ALDH18A1: variants seen among roughly 807,000 people sequenced by gnomAD.
ALDH18A1 encodes the protein aldehyde dehydrogenase 18 family member A1, also known as delta-1-pyrroline-5-carboxylate synthase.
Under a neutral mutation model 88.8 loss-of-function variants are expected in ALDH18A1, and 44 were observed. The observed-to-expected ratio is 0.50, with a 90% CI of 0.39 to 0.64. The LOEUF (loss-of-function observed/expected upper bound fraction) is 0.64. Among genes scored for constraint, ALDH18A1 ranks in the 30% least tolerant of loss-of-function variants. The pLI, the probability that ALDH18A1 is intolerant of heterozygous loss-of-function variation, is 0.00. For missense variants in ALDH18A1, 782 were observed against 1,009.5 expected, an observed-to-expected ratio of 0.77 and a Z score of 3.05; for synonymous variants, 331 against 372.1, an observed-to-expected ratio of 0.89 and a Z score of 1.27.
chr10:95,627,896 G>A (rs541952966), intron 8 of ALDH18A1, among the ~76,000 whole-genome samples: 2 of 152,312 alleles, frequency 1.3e-5, no homozygotes, highest in East Asian at 3.9e-4. Flanking sequence ...AAACAATTAA[G>A]TAGACCAACA....
intron 6 of ALDH18A1, 33 bp from the exon 7 acceptor site, chr10:95,633,082 GAGCTAAGCAGTCCAAA>G (rs1405804109): frequency 6.4e-7 from 1 of 1,557,518 alleles, no homozygotes; most frequent in Non-Finnish European, 8.9e-7. Context: ...ATAAGTGAGT[GAGCTAAGCAGTCCAAA>G]AAGAAATTCA....
In ALDH18A1 at chr10:95,606,866, A is replaced by T. The variant is rs1249058396; in HGVS notation, c.2284T>A (p.Trp762Arg). Residue 762 changes from tryptophan (W) to arginine (R), a missense_variant, in exon 18 of 18, where the codon TGG becomes AGG. By Grantham distance (101) the Trp-to-Arg change is moderately radical (BLOSUM62 -3). Coordinates refer to ENST00000371224, the MANE Select transcript of ALDH18A1 (RefSeq NM_002860.4). ...ACGTGGTCCTTCCCTCGCAGCAGCC[A>T]CTTAGTAGTAAGCAGTCCCTCAAGT... ...VGLEGLLTTK[W>R]LLRGKDHVVS... 6.2e-7 allele frequency: 1 copy of T among 1,614,176 alleles called. No homozygotes were observed. The highest frequency in any genetic ancestry group is 8.5e-7 in the Non-Finnish European group (1 of 1,180,028).
At chr10:95,620,812 G>A (rs1426482022) in intron 12 of ALDH18A1, among the ~76,000 whole-genome samples, 1 of 150,850 alleles carries the variant, frequency 6.6e-6, no homozygotes, top group Non-Finnish European at 1.5e-5. Context: ...CTGGGGGAGG[G>A]ATAGCATTAG....
chr10:95,624,594 T>A (rs2097857881), intron 11 of ALDH18A1, among the ~76,000 whole-genome samples: 1 of 151,824 alleles, frequency 6.6e-6, no homozygotes, highest in Admixed American at 6.6e-5. Flanking sequence ...ATAAAATCAA[T>A]CCCTATTATT....
chr10:95,632,092 G>A (rs1257068896), intron 7 of ALDH18A1, among the ~76,000 whole-genome samples: 1 of 152,152 alleles, frequency 6.6e-6, no homozygotes, highest in Non-Finnish European at 1.5e-5. Flanking sequence ...GATGAACCTT[G>A]AAAACATGCT....
At chr10:95,624,043 G>A (rs1031512224) in intron 11 of ALDH18A1, among the ~76,000 whole-genome samples, 1 of 152,172 alleles carries the variant, frequency 6.6e-6, no homozygotes, top group East Asian at 1.9e-4. Context: ...TCACCATGTT[G>A]GTCAGGCTGG....
At position 95,621,096 on chromosome 10, in the gene ALDH18A1, G is replaced by T. The variant is rs745604657; in HGVS notation, c.1402C>A (p.Gln468Lys). Residue 468 changes from glutamine to lysine, a missense_variant, in exon 12 of 18, where the codon CAA (glutamine) becomes AAA (lysine). Transcript: ENST00000371224. The part of the protein sequence containing the change: ...TRIAKNLELE[Q>K]VTVPIGVLLV... ...AGAACTCCAATTGGGACAGTCACTT[G>T]TTCCAGTTCCAAGTTTTTGGCGATT... The T allele has an allele frequency of 6.2e-7, 1 of 1,614,142 alleles. No homozygotes were observed. Among genetic ancestry groups the T allele is most frequent in the African/African-American group, 1.3e-5 (1 of 75,030 alleles).
chr10:95,648,343 C>T (rs898979291), intron 2 of ALDH18A1, among the ~76,000 whole-genome samples: 2 of 152,024 alleles, frequency 1.3e-5, no homozygotes, highest in Non-Finnish European at 2.9e-5. Context: ...TCATCATCAT[C>T]ATCATCATCA....
chr10:95,610,382 G>A, intron 16 of ALDH18A1, 90 bp from the exon 17 acceptor site: 1 of 1,309,766 alleles, frequency 7.6e-7, no homozygotes, highest in Non-Finnish European at 1.1e-6. Flanking sequence ...ATCAGGGCAG[G>A]GTCTGGGTCC....
At chr10:95,611,105 C>T in intron 16 of ALDH18A1, 151 bp downstream of exon 16, 2 of 844,666 alleles carry the variant, frequency 2.4e-6, no homozygotes, top group South Asian at 1.6e-5. Context: ...GATGTGAAAG[C>T]ACTCATCAAA....
chr10:95,649,896 A>T (rs967891456), intron 2 of ALDH18A1, among the ~76,000 whole-genome samples: 2 of 151,586 alleles, frequency 1.3e-5, no homozygotes, highest in South Asian at 2.1e-4. Context: ...ATAAAAAAAA[A>T]AAACAAAGAA....
chr10:95,647,603 G>A (rs1461408747), intron 2 of ALDH18A1, among the ~76,000 whole-genome samples: 1 of 152,202 alleles, frequency 6.6e-6, no homozygotes, highest in African/African-American at 2.4e-5. Context: ...CTCAAGGCAG[G>A]ACTCTAATTT....
At chr10:95,646,359 C>A (rs1014882708) in intron 2 of ALDH18A1, among the ~76,000 whole-genome samples, 1 of 152,060 alleles carries the variant, frequency 6.6e-6, no homozygotes, top group Non-Finnish European at 1.5e-5. Flanking sequence ...GAGGGTGGGT[C>A]GCATGGTTCA....
At chr10:95,618,481 A>C (rs1214172884) in intron 12 of ALDH18A1, among the ~76,000 whole-genome samples, 1 of 151,768 alleles carries the variant, frequency 6.6e-6, no homozygotes, top group Non-Finnish European at 1.5e-5. Flanking sequence ...CATGCCAACT[A>C]ATTTTGTATT....
intron 3 of ALDH18A1, among the ~76,000 whole-genome samples, chr10:95,639,595 GTCTT>G (rs1414881594): frequency 1.3e-5 from 2 of 151,188 alleles, no homozygotes; most frequent in African/African-American, 4.9e-5. Flanking sequence ...ATAATTATAT[GTCTT>G]TCTCTCTCCA....
chr10:95,621,468 C>A (rs138653613), intron 11 of ALDH18A1, among the ~76,000 whole-genome samples: 75 of 152,022 alleles, frequency 4.9e-4, no homozygotes, highest in African/African-American at 1.5e-3. Flanking sequence ...TACAGGCATG[C>A]ACCACCAGGC....
rs1470815569 is a variant in ALDH18A1 at position 95,616,620 on chromosome 10, G to C, written c.1468-6C>G. 1 of 1,603,690 alleles carries C rather than the reference G, an allele frequency of 6.2e-7. No homozygotes were observed. The highest frequency in any genetic ancestry group is 8.5e-7 in the Non-Finnish European group (1 of 1,174,974). On this transcript the variant is annotated splice_polypyrimidine_tract_variant and splice_region_variant and intron_variant, in intron 12 of 17. Coordinates refer to ENST00000371224, the MANE Select transcript of ALDH18A1 (RefSeq NM_002860.4). ...GCGATAGCCAAAGCTGCCACCTGCA[G>C]ATCAAAGGGAGAGCAGTGGATCAAA... is the stretch of plus-strand genomic sequence containing the variant.
chr10:95,616,486 G>T lies in ALDH18A1; in HGVS notation c.1596C>A (p.Ala532=). 6.4e-7 allele frequency: 1 copy of T among 1,566,534 alleles called. No homozygotes were observed. The highest frequency in any genetic ancestry group is 1.3e-5 in the African/African-American group (1 of 74,364). The change falls in exon 13 of 18, where the codon GCC becomes GCA. Residue 532 remains alanine, a synonymous_variant. Transcript: ENST00000371224. ...ATTCCCAGGGACCTACCAGTTGCAC[G>T]GCCTCCTTGACTCCATGGATTGAGA... ...EALSIHGVKE[A]VQLVNTREEV...
At chr10:95,633,790 C>A in intron 5 of ALDH18A1, 141 bp from the exon 6 acceptor site, 4 of 595,876 alleles carry the variant, frequency 6.7e-6, no homozygotes, top group Non-Finnish European at 8.8e-6. Context: ...ATGAAATACA[C>A]ATATCTGGGT....
Sources: gnomAD v4.1 joint callset for allele counts (sites outside exome capture counted in the v4.1 genomes callset) on GRCh38, gnomAD v4.1.1 for gene constraint, MANE v1.5 for transcripts, NCBI Gene and HGNC (gene_info 2026-07-23, HGNC 2026-07-21) for gene names.